The following ADAMTS3 variants were observed in gnomAD, a reference collection of about 807,000 sequenced individuals.
The protein encoded by ADAMTS3 is A disintegrin and metalloproteinase with thrombospondin motifs 3.
ADAMTS3 carries 73 observed loss-of-function variants against 129.0 expected under a neutral mutation model. The observed-to-expected ratio is 0.57, with a 90% CI of 0.47 to 0.69. ADAMTS3 has a LOEUF of 0.69. Ranked by LOEUF, ADAMTS3 falls within the 30% of genes least tolerant of loss-of-function variation. ADAMTS3 has a pLI of 0.00. For missense variants in ADAMTS3, 1,457 were observed against 1,514.5 expected (o/e 0.96, Z 0.63); for synonymous variants, 477 against 510.8 (o/e 0.93, Z 0.89).
intron 4 of ADAMTS3, among the ~76,000 whole-genome samples, chr4:72,340,194 A>G (rs1350125706): frequency 1.3e-5 from 2 of 152,168 alleles, no homozygotes; most frequent in Non-Finnish European, 2.9e-5. Context: ...GCAGGGCAAC[A>G]CAACAGCATC....
At chr4:72,443,401 C>A (rs923259926) in intron 3 of ADAMTS3, among the ~76,000 whole-genome samples, 3 of 151,678 alleles carry the variant, frequency 2.0e-5, no homozygotes, top group Non-Finnish European at 4.4e-5. Flanking sequence ...CAGTTTGAAT[C>A]CCTACCACCA....
intron 4 of ADAMTS3, among the ~76,000 whole-genome samples, chr4:72,380,844 A>G (rs1018301428): frequency 5.3e-5 from 8 of 152,346 alleles, no homozygotes; most frequent in Non-Finnish European, 1.0e-4. Flanking sequence ...TTGACATCTT[A>G]GTAAAGTGCT....
At chr4:72,300,339 T>C (rs1718918072) in intron 17 of ADAMTS3, among the ~76,000 whole-genome samples, 1 of 152,082 alleles carries the variant, frequency 6.6e-6, no homozygotes, top group Admixed American at 6.6e-5. Flanking sequence ...GTGGTCAGAT[T>C]ATAATCAGTG....
chr4:72,377,974 A>G (rs1578627908), intron 4 of ADAMTS3, among the ~76,000 whole-genome samples: 1 of 152,202 alleles, frequency 6.6e-6, no homozygotes, highest in African/African-American at 2.4e-5. Flanking sequence ...TTCTTTCTGC[A>G]TACTCGGAGT....
chr4:72,561,351 A>G (rs1721898984), intron 2 of ADAMTS3, among the ~76,000 whole-genome samples: 1 of 151,404 alleles, frequency 6.6e-6, no homozygotes, highest in Admixed American at 6.6e-5. Flanking sequence ...TGTCTCAAAA[A>G]GAAAGAAAAG....
intron 3 of ADAMTS3, among the ~76,000 whole-genome samples, chr4:72,456,800 G>A (rs1220582314): frequency 1.3e-5 from 2 of 151,462 alleles, no homozygotes; most frequent in African/African-American, 2.4e-5. Flanking sequence ...TTACATTTGT[G>A]TGTTTGCATC....
chr4:72,455,663 C>G (rs939547787), intron 3 of ADAMTS3, among the ~76,000 whole-genome samples: 1 of 146,224 alleles, frequency 6.8e-6, no homozygotes, highest in Admixed American at 7.0e-5. Flanking sequence ...TGGACAGTTT[C>G]TTTAAAAAGA....
At chr4:72,527,558 A>G (rs1720847594) in intron 3 of ADAMTS3, among the ~76,000 whole-genome samples, 1 of 152,174 alleles carries the variant, frequency 6.6e-6, no homozygotes, top group African/African-American at 2.4e-5. Flanking sequence ...CTAGATGTCC[A>G]TCTATTTATA....
intron 3 of ADAMTS3, among the ~76,000 whole-genome samples, chr4:72,452,223 C>T (rs895929766): frequency 1.3e-5 from 2 of 151,618 alleles, no homozygotes; most frequent in Non-Finnish European, 2.9e-5. Context: ...TTGACCAGCT[C>T]TACACTTCAC....
At chr4:72,414,644 G>A (rs1283378638) in intron 4 of ADAMTS3, among the ~76,000 whole-genome samples, 171 bp downstream of exon 4, 7 of 151,908 alleles carry the variant, frequency 4.6e-5, no homozygotes, top group African/African-American at 1.7e-4. Context: ...TATACTCTAT[G>A]CATTTTTTAA....
intron 3 of ADAMTS3, among the ~76,000 whole-genome samples, chr4:72,457,938 G>A (rs1269509383): frequency 6.6e-6 from 1 of 151,540 alleles, no homozygotes; most frequent in Non-Finnish European, 1.5e-5. Context: ...CATCTTTGGA[G>A]GGGATGAGGC....
intron 4 of ADAMTS3, among the ~76,000 whole-genome samples, chr4:72,376,375 C>G (rs1356736343): frequency 6.6e-6 from 1 of 152,142 alleles, no homozygotes; most frequent in Non-Finnish European, 1.5e-5. Flanking sequence ...TAATCACTAG[C>G]ATTAACCATC....
At chr4:72,316,384 T>C (rs1016652208) in intron 10 of ADAMTS3, among the ~76,000 whole-genome samples, 1 of 152,084 alleles carries the variant, frequency 6.6e-6, no homozygotes, top group Admixed American at 6.6e-5. Context: ...AGATAGATAG[T>C]TGAATATAAA....
chr4:72,515,387 T>A (rs1720439682), intron 3 of ADAMTS3, among the ~76,000 whole-genome samples: 1 of 151,990 alleles, frequency 6.6e-6, no homozygotes, highest in South Asian at 2.1e-4. Flanking sequence ...TATTTCTAGT[T>A]CTAGATCCTT....
At chr4:72,457,519 G>T (rs1178932491) in intron 3 of ADAMTS3, among the ~76,000 whole-genome samples, 1 of 151,560 alleles carries the variant, frequency 6.6e-6, no homozygotes, top group Non-Finnish European at 1.5e-5. Context: ...AAATGCGGTT[G>T]TTCCTAGATA....
chr4:72,529,168 G>A (rs1245726366), intron 3 of ADAMTS3, among the ~76,000 whole-genome samples: 1 of 152,124 alleles, frequency 6.6e-6, no homozygotes, highest in Non-Finnish European at 1.5e-5. Flanking sequence ...CCAGAGGCAG[G>A]AAAATTTTAA....
In ADAMTS3 at chr4:72,291,007, G is replaced by A; in HGVS notation, c.2779C>T (p.Gln927Ter). The change falls in exon 20 of 22, where the codon CAG (glutamine) becomes TAG (stop). Residue 927 changes from glutamine (Q) to a stop codon, truncating the protein, a stop_gained. Coordinates refer to ENST00000286657, the MANE Select transcript of ADAMTS3 (RefSeq NM_014243.3). LOFTEE classifies it high-confidence loss of function. ...CTKTCGSSGY[Q>*]LRTVRCLQPL... ...TGAAGGCAGCGTACAGTGCGAAGCT[G>A]ATAGCCAGAACTTCCACAGGTTTTG... The A allele has an allele frequency of 3.1e-6, 5 of 1,614,046 alleles. No homozygotes were observed. The highest frequency in any genetic ancestry group is 4.2e-6 in the Non-Finnish European group (5 of 1,179,974).
At chr4:72,299,716 AT>A in intron 17 of ADAMTS3, among the ~76,000 whole-genome samples, 1 of 152,308 alleles carries the variant, frequency 6.6e-6, no homozygotes, top group East Asian at 1.9e-4. Context: ...TATTTATTTG[AT>A]AACTAATAAA....
intron 5 of ADAMTS3, among the ~76,000 whole-genome samples, chr4:72,337,537 T>G (rs1259725133): frequency 1.3e-5 from 2 of 152,158 alleles, no homozygotes; most frequent in African/African-American, 4.8e-5. Context: ...ACATAACTAA[T>G]AAACTTGTTG....
Sources: gnomAD v4.1 joint callset for allele counts (sites outside exome capture counted in the v4.1 genomes callset) on GRCh38, gnomAD v4.1.1 for gene constraint, MANE v1.5 for transcripts, NCBI Gene and HGNC (gene_info 2026-07-23, HGNC 2026-07-21) for gene names.